The following MYO5B variants were observed in gnomAD, a reference collection of about 807,000 sequenced individuals.
MYO5B encodes unconventional myosin-Vb.
A neutral mutation model predicts 229.3 loss-of-function variants in MYO5B; 143 were observed. The observed-to-expected ratio is 0.62, with a 90% CI of 0.54 to 0.72. MYO5B has a LOEUF of 0.72. Among genes scored for constraint, MYO5B ranks in the 30% least tolerant of loss-of-function variants. The pLI, the probability that MYO5B is intolerant of heterozygous loss-of-function variation, is 0.00. For missense variants in MYO5B, 2,321 were observed against 2,331.0 expected (o/e 1.00, Z 0.09); for synonymous variants, 918 against 885.2 (o/e 1.04, Z -0.66).
chr18:49,960,765 A>G (rs775402662), intron 12 of MYO5B, among the ~76,000 whole-genome samples: 2 of 152,314 alleles, frequency 1.3e-5, no homozygotes, highest in Non-Finnish European at 1.5e-5. Context: ...CAATGTCTTG[A>G]CATGTCTAGC....
chr18:50,064,637 T>C (rs2030774272), intron 1 of MYO5B, among the ~76,000 whole-genome samples: 1 of 152,210 alleles, frequency 6.6e-6, no homozygotes, highest in Non-Finnish European at 1.5e-5. Flanking sequence ...AGGATAGTTG[T>C]TTTCCTCTTC....
intron 1 of MYO5B, among the ~76,000 whole-genome samples, chr18:50,156,474 A>T (rs1314774881): frequency 6.6e-6 from 1 of 152,112 alleles, no homozygotes; most frequent in Non-Finnish European, 1.5e-5. Flanking sequence ...TTGGCTCAGC[A>T]CTTCTCCTTC....
chr18:50,189,683 A>T (rs140353097), intron 1 of MYO5B, among the ~76,000 whole-genome samples: 44 of 152,324 alleles, frequency 2.9e-4, no homozygotes, highest in Non-Finnish European at 5.3e-4. Flanking sequence ...CACTGTCACC[A>T]CTTTTTGGAA....
At chr18:49,851,313 A>G (rs1490490796) in intron 31 of MYO5B, among the ~76,000 whole-genome samples, 2 of 152,170 alleles carry the variant, frequency 1.3e-5, no homozygotes, top group African/African-American at 4.8e-5. Context: ...TTGTGCTAAG[A>G]CATGCCTGGG....
chr18:50,172,111 T>C (rs2032926746), intron 1 of MYO5B, among the ~76,000 whole-genome samples: 1 of 151,762 alleles, frequency 6.6e-6, no homozygotes, highest in African/African-American at 2.4e-5. Flanking sequence ...CAAGACCCCA[T>C]CTCTACAAAA....
chr18:50,138,435 T>A (rs1254443963), intron 1 of MYO5B, among the ~76,000 whole-genome samples: 6 of 152,152 alleles, frequency 3.9e-5, no homozygotes, highest in African/African-American at 1.4e-4. Context: ...GCAGGAGCAG[T>A]AAATGGAATG....
chr18:50,116,236 T>C (rs575237695), intron 1 of MYO5B, among the ~76,000 whole-genome samples: 20 of 152,300 alleles, frequency 1.3e-4, no homozygotes, highest in Admixed American at 8.5e-4. Flanking sequence ...TGGCGATCCA[T>C]GCCCACAACA....
At chr18:49,963,913 C>G (rs368291612) in intron 10 of MYO5B, among the ~76,000 whole-genome samples, 5 of 152,270 alleles carry the variant, frequency 3.3e-5, no homozygotes, top group South Asian at 4.2e-4. Flanking sequence ...TCAGCCCCCT[C>G]GCAAGCCCCA....
At chr18:49,894,907 C>T (rs1457683670) in intron 22 of MYO5B, 34 bp downstream of exon 22, 5 of 1,597,398 alleles carry the variant, frequency 3.1e-6, no homozygotes, top group Non-Finnish European at 4.3e-6. Context: ...ACCCACTCTG[C>T]TTGCCAGCGC....
intron 1 of MYO5B, among the ~76,000 whole-genome samples, chr18:50,113,218 T>A (rs1465788359): frequency 6.6e-6 from 1 of 152,180 alleles, no homozygotes; most frequent in African/African-American, 2.4e-5. Context: ...GTACCGGGCA[T>A]AAAACAGTGA....
chr18:50,162,175 T>C (rs1404858411), intron 1 of MYO5B, among the ~76,000 whole-genome samples: 1 of 152,230 alleles, frequency 6.6e-6, no homozygotes, highest in Non-Finnish European at 1.5e-5. Flanking sequence ...CTGTTCTGCA[T>C]GGCCCAAACT....
chr18:49,902,947 G>A, intron 20 of MYO5B, 114 bp from the exon 21 acceptor site: 1 of 1,344,586 alleles, frequency 7.4e-7, no homozygotes, highest in Non-Finnish European at 1.0e-6. Flanking sequence ...GGTTCTAGGA[G>A]TTACACAGAC....
chr18:50,072,306 CT>C (rs1198947612), intron 1 of MYO5B, among the ~76,000 whole-genome samples: 1 of 152,100 alleles, frequency 6.6e-6, no homozygotes, highest in African/African-American at 2.4e-5. Context: ...CACAGTCTAG[CT>C]GAGGCTCTTC....
At chr18:49,870,646 C>T (rs377693405) in intron 27 of MYO5B, among the ~76,000 whole-genome samples, 123 of 152,234 alleles carry the variant, frequency 8.1e-4, no homozygotes, top group African/African-American at 2.9e-3. Context: ...TCAAAGACTA[C>T]ATAGAAATGG....
intron 4 of MYO5B, among the ~76,000 whole-genome samples, chr18:50,035,129 G>C (rs990573363): frequency 1.3e-5 from 2 of 152,226 alleles, no homozygotes; most frequent in African/African-American, 4.8e-5. Context: ...GAGAAGAACA[G>C]AGGAATCTTG....
chr18:50,028,866 G>C (rs1376311426), intron 4 of MYO5B, among the ~76,000 whole-genome samples: 2 of 152,210 alleles, frequency 1.3e-5, no homozygotes, highest in African/African-American at 4.8e-5. Flanking sequence ...GTGATTTCAA[G>C]TTGAGATTTA....
At chr18:49,947,395 G>A (rs528877403) in intron 14 of MYO5B, among the ~76,000 whole-genome samples, 241 of 151,724 alleles carry the variant, frequency 1.6e-3, no homozygotes, top group African/African-American at 5.7e-3. Context: ...GTGAGCCACC[G>A]CACCCAGCCG....
intron 8 of MYO5B, among the ~76,000 whole-genome samples, chr18:49,983,906 C>G (rs1212229123): frequency 6.6e-6 from 1 of 152,180 alleles, no homozygotes; most frequent in African/African-American, 2.4e-5. Context: ...CTTCCCTGAC[C>G]TCCAAAGAAC....
chr18:49,930,887 G>C (rs1459716728), intron 16 of MYO5B, among the ~76,000 whole-genome samples: 4 of 119,192 alleles, frequency 3.4e-5, no homozygotes, highest in Admixed American at 1.2e-4. Context: ...GTGAGACTCT[G>C]TCTCAAAAAA....
Sources: gnomAD v4.1 joint callset for allele counts (sites outside exome capture counted in the v4.1 genomes callset) on GRCh38, gnomAD v4.1.1 for gene constraint, MANE v1.5 for transcripts, NCBI Gene and HGNC (gene_info 2026-07-23, HGNC 2026-07-21) for gene names.